The following PBRM1 variants were observed in gnomAD, a reference collection of about 807,000 sequenced individuals.
PBRM1 encodes the protein polybromo 1.
A neutral mutation model predicts 194.5 loss-of-function variants in PBRM1; 27 were observed. That is an observed-to-expected ratio of 0.14 (90% CI 0.10 to 0.19). The LOEUF (loss-of-function observed/expected upper bound fraction) is 0.19. Among genes scored for constraint, PBRM1 ranks in the 10% least tolerant of loss-of-function variants. The pLI is 1.00. For synonymous variants in PBRM1, 655 were observed against 693.2 expected (o/e 0.94, Z 0.87); for missense variants, 1,466 against 2,077.2 (o/e 0.71, Z 5.72).
chr3:52,654,871 T>C (rs952703834), intron 5 of PBRM1, among the ~76,000 whole-genome samples: 35 of 152,182 alleles, frequency 2.3e-4, no homozygotes, highest in African/African-American at 8.4e-4. Context: ...CACTGCGGCC[T>C]TGAACTCCTA....
At chr3:52,628,197 C>T (rs1213289537) in intron 12 of PBRM1, among the ~76,000 whole-genome samples, 2 of 151,890 alleles carry the variant, frequency 1.3e-5, no homozygotes, top group Non-Finnish European at 2.9e-5. Flanking sequence ...TTAACAAAGT[C>T]TAGAACCAAA....
chr3:52,642,467 T>G (rs964670188), intron 9 of PBRM1, among the ~76,000 whole-genome samples: 1 of 151,764 alleles, frequency 6.6e-6, no homozygotes, highest in African/African-American at 2.4e-5. Context: ...ATACAAAAAA[T>G]TAGCCGGGTG....
At chr3:52,679,616 G>T (rs1309671151) in exon 1 of PBRM1, 3 of 1,614,022 alleles carry the variant, frequency 1.9e-6, no homozygotes, top group Non-Finnish European at 2.5e-6. Flanking sequence ...TCCTTTTCCT[G>T]CTTGGGCCTG....
At chr3:52,569,188 G>A (rs1338274917) in intron 22 of PBRM1, among the ~76,000 whole-genome samples, 2 of 151,118 alleles carry the variant, frequency 1.3e-5, no homozygotes, top group African/African-American at 4.9e-5. Flanking sequence ...CACTGCACCC[G>A]ATTCTAAGTT....
intron 3 of PBRM1, among the ~76,000 whole-genome samples, chr3:52,667,822 G>C (rs1190340348): frequency 6.6e-6 from 1 of 151,362 alleles, no homozygotes; most frequent in Non-Finnish European, 1.5e-5. Flanking sequence ...CTACTCATGA[G>C]GCTGAGGCAG....
intron 17 of PBRM1, among the ~76,000 whole-genome samples, chr3:52,597,552 G>T (rs2093665432): frequency 6.6e-6 from 1 of 152,072 alleles, no homozygotes; most frequent in South Asian, 2.1e-4. Flanking sequence ...TACTCAAAGG[G>T]ACAGAGAGAC....
chr3:52,547,829 A>C (rs2079874011), downstream of PBRM1: 4 of 410,912 alleles, frequency 9.7e-6, no homozygotes, highest in Admixed American at 1.9e-4. Flanking sequence ...CTGGTTTTAA[A>C]CGAAGGAAAC....
intron 29 of PBRM1, among the ~76,000 whole-genome samples, chr3:52,550,003 A>G (rs896141988): frequency 6.6e-6 from 1 of 152,078 alleles, no homozygotes; most frequent in Non-Finnish European, 1.5e-5. Flanking sequence ...GGATCACTTG[A>G]GGTCAAGAGT....
At chr3:52,617,929 A>C (rs2095051459) in intron 13 of PBRM1, among the ~76,000 whole-genome samples, 1 of 152,218 alleles carries the variant, frequency 6.6e-6, no homozygotes, top group Non-Finnish European at 1.5e-5. Context: ...TACGGTTATA[A>C]TATCCTCACT....
In PBRM1 at chr3:52,656,509, A is replaced by G. The variant is rs1055731265; in HGVS notation, c.645+1690T>C. 3.3e-5 allele frequency among the ~76,000 whole-genome samples: 5 copies of G among 152,278 alleles called. No homozygotes were observed. In the South Asian group the frequency reaches 8.3e-4, roughly 25 times the overall value. On this transcript the variant is annotated intron_variant, in intron 5 of 29. Coordinates refer to ENST00000296302, the Ensembl canonical transcript of PBRM1. ...TGAAAGCTTGTCTCTACTAAAAAAT[A>G]CAAAAATTAGCCAGGTGTGGTGGTG... is the stretch of plus-strand genomic sequence containing the variant.
intron 25 of PBRM1, chr3:52,560,674 G>A (rs989746656): frequency 6.6e-6 from 1 of 152,206 alleles, no homozygotes; most frequent in African/African-American, 2.4e-5. Flanking sequence ...AAGTTTCCAA[G>A]AGAGAGAGTT....
intron 26 of PBRM1, among the ~76,000 whole-genome samples, chr3:52,556,947 TTGTTTTTAGC>T (rs954030358): frequency 6.6e-6 from 1 of 151,626 alleles, no homozygotes; most frequent in Non-Finnish European, 1.5e-5. Flanking sequence ...TTTTTTTTAA[TTGTTTTTAGC>T]TGTTTGTATT....
At chr3:52,598,289 C>T (rs994621281) in intron 17 of PBRM1, among the ~76,000 whole-genome samples, 1 of 152,102 alleles carries the variant, frequency 6.6e-6, no homozygotes, top group African/African-American at 2.4e-5. Context: ...AAACTATTTC[C>T]AAAACTTTTT....
chr3:52,643,741 G>A (rs976674690), intron 8 of PBRM1, among the ~76,000 whole-genome samples: 1 of 152,232 alleles, frequency 6.6e-6, no homozygotes, highest in African/African-American at 2.4e-5. Context: ...GGAGGCCGAG[G>A]CGGGTGGATC....
intron 1 of PBRM1, among the ~76,000 whole-genome samples, chr3:52,679,100 C>T (rs1032677847): frequency 3.9e-5 from 6 of 152,224 alleles, no homozygotes; most frequent in African/African-American, 1.2e-4. Flanking sequence ...ATCCCTGACC[C>T]AACCCCTCTG....
At chr3:52,547,692 T>C (rs2079858858), downstream of PBRM1, 1 of 235,904 alleles carries the variant, frequency 4.2e-6, no homozygotes, top group Non-Finnish European at 8.3e-6. Flanking sequence ...TATATATATA[T>C]ATAAAAAAAC....
chr3:52,604,997 T>G (rs977497730), intron 16 of PBRM1, among the ~76,000 whole-genome samples: 1 of 108,328 alleles, frequency 9.2e-6, no homozygotes, highest in South Asian at 2.7e-4. Context: ...AAATAAAATG[T>G]GGGGAGTGGG....
intron 29 of PBRM1, among the ~76,000 whole-genome samples, chr3:52,549,483 T>C (rs1279503982): frequency 6.6e-6 from 1 of 152,138 alleles, no homozygotes; most frequent in Non-Finnish European, 1.5e-5. Context: ...GCATCTATAC[T>C]AATGTCCAAA....
In PBRM1 at chr3:52,573,290, C is replaced by CT. The variant is rs1184905110; in HGVS notation, c.3691+3250dup. On this transcript the variant is annotated intron_variant, in intron 22 of 29. Coordinates refer to ENST00000296302, the Ensembl canonical transcript of PBRM1. ...AGAATGCAACACATTTTCTTTCTTT[C>CT]TTTTTTTTTTTTGTTACATAGAGTC... 3.2e-3 allele frequency among the ~76,000 whole-genome samples: 463 copies of CT among 145,726 alleles called. 1 individual carries two copies. Among genetic ancestry groups the CT allele is most frequent in the Non-Finnish European group, 4.3e-3 (280 of 65,808 alleles).
Sources: allele counts gnomAD v4.1 joint callset (sites outside exome capture counted in the v4.1 genomes callset), GRCh38; gene constraint gnomAD v4.1.1; transcripts MANE v1.5; gene names NCBI Gene and HGNC (gene_info 2026-07-23, HGNC 2026-07-21).